The following BRAF variants were observed in gnomAD, a reference collection of about 807,000 sequenced individuals.
The protein encoded by BRAF is B-Raf proto-oncogene, serine/threonine kinase, also known as serine/threonine-protein kinase B-raf.
BRAF carries 16 observed loss-of-function variants against 104.6 expected under a neutral mutation model. The observed-to-expected ratio is 0.15, with a 90% CI of 0.10 to 0.23. The LOEUF is 0.23. Ranked by LOEUF, BRAF falls within the 10% of genes least tolerant of loss-of-function variation. The pLI is 1.00. For missense variants in BRAF, 541 were observed against 937.3 expected (o/e 0.58, Z 5.52); for synonymous variants, 310 against 341.6 (o/e 0.91, Z 1.02).
At chr7:140,873,430 A>G (rs908310133) in intron 1 of BRAF, among the ~76,000 whole-genome samples, 2 of 152,120 alleles carry the variant, frequency 1.3e-5, no homozygotes, top group East Asian at 3.9e-4. Context: ...TCGGCCTCCC[A>G]AAGTGCTGAA....
chr7:140,867,087 AAAT>A (rs1465735911), intron 1 of BRAF, among the ~76,000 whole-genome samples: 1 of 152,164 alleles, frequency 6.6e-6, no homozygotes, highest in African/African-American at 2.4e-5. Context: ...AGGTGATAAA[AAAT>A]ATTATGCAAT....
At chr7:140,741,219 T>TA (rs1171866942) in intron 17 of BRAF, 2 of 152,208 alleles carry the variant, frequency 1.3e-5, no homozygotes, top group African/African-American at 4.8e-5. Context: ...TATCATCTAA[T>TA]ACTCAAAAAA....
intron 1 of BRAF, among the ~76,000 whole-genome samples, chr7:140,909,820 A>T (rs1816764710): frequency 6.7e-6 from 1 of 148,290 alleles, no homozygotes; most frequent in South Asian, 2.1e-4. Context: ...AACAACAACA[A>T]CAACAACAAC....
intron 1 of BRAF, among the ~76,000 whole-genome samples, chr7:140,887,103 T>G (rs1813655696): frequency 6.6e-6 from 1 of 152,164 alleles, no homozygotes; most frequent in South Asian, 2.1e-4. Context: ...AACTGACCAT[T>G]CCAAAACAGA....
chr7:140,872,869 T>C (rs1811769701), intron 1 of BRAF, among the ~76,000 whole-genome samples: 1 of 151,790 alleles, frequency 6.6e-6, no homozygotes, highest in Non-Finnish European at 1.5e-5. Flanking sequence ...ATTAAACAAA[T>C]CCTGCTAAGT....
At chr7:140,793,144 G>A (rs1210753411) in intron 8 of BRAF, among the ~76,000 whole-genome samples, 1 of 152,158 alleles carries the variant, frequency 6.6e-6, no homozygotes, top group Non-Finnish European at 1.5e-5. Flanking sequence ...ATACAAAGAT[G>A]ACACTCTAAA....
chr7:140,739,928 G>T lies in BRAF; in HGVS notation c.2131C>A (p.Arg711=), dbSNP rs2130900815. The change falls in exon 18 of 20, where the codon CGA becomes AGA. Residue 711 remains arginine, a synonymous_variant. Coordinates refer to ENST00000644969, the MANE Select transcript of BRAF (RefSeq NM_001374258.1). ...CTGAGATCTGGAGACAGGTATCCTC[G>T]TCCCACCATAAAAATTATCTGGAGA... ...NRDQIIFMVG[R]GYLSPDLSKV... 1.2e-6 allele frequency: 2 copies of T among 1,613,374 alleles called. No individual in the cohort carries two copies. Among genetic ancestry groups the T allele is most frequent in the Non-Finnish European group, 8.5e-7 (1 of 1,179,818 alleles).
At chr7:140,757,959 T>C (rs1222283343) in intron 14 of BRAF, 1 of 152,370 alleles carries the variant, frequency 6.6e-6, no homozygotes, top group East Asian at 1.9e-4. Context: ...GAGATTATCA[T>C]TAAAATGCCT....
chr7:140,804,807 T>C (rs1458459086), intron 5 of BRAF, among the ~76,000 whole-genome samples: 1 of 148,874 alleles, frequency 6.7e-6, no homozygotes, highest in African/African-American at 2.6e-5. Flanking sequence ...TACTTTTCTT[T>C]TTCTTTTCTT....
chr7:140,783,236 T>C (rs1801049866), intron 10 of BRAF, 79 bp from the exon 10 acceptor site: 1 of 1,534,736 alleles, frequency 6.5e-7, no homozygotes, highest in Non-Finnish European at 8.9e-7. Context: ...GGTTGGGGGA[T>C]ATTTAGACTT....
At chr7:140,889,021 T>C (rs1222946455) in intron 1 of BRAF, among the ~76,000 whole-genome samples, 1 of 152,112 alleles carries the variant, frequency 6.6e-6, no homozygotes, top group Non-Finnish European at 1.5e-5. Context: ...CCACCCAAAA[T>C]GCCACTTTTA....
At chr7:140,887,549 G>A (rs1296914184) in intron 1 of BRAF, among the ~76,000 whole-genome samples, 2 of 152,086 alleles carry the variant, frequency 1.3e-5, no homozygotes, top group African/African-American at 4.8e-5. Context: ...TGGCTGCAGT[G>A]ACACAAATTG....
chr7:140,744,500 A>G (rs1053833865), intron 17 of BRAF, among the ~76,000 whole-genome samples: 1 of 152,260 alleles, frequency 6.6e-6, no homozygotes, highest in Non-Finnish European at 1.5e-5. Context: ...AGTCTTGAGC[A>G]GCTTTCAGTG....
intron 1 of BRAF, among the ~76,000 whole-genome samples, chr7:140,854,831 G>A (rs1809595159): frequency 6.6e-6 from 1 of 152,112 alleles, no homozygotes; most frequent in South Asian, 2.1e-4. Flanking sequence ...TGTAATCCCA[G>A]CTACCCAGGA....
intron 7 of BRAF, among the ~76,000 whole-genome samples, chr7:140,795,081 G>A (rs536640588): frequency 6.6e-6 from 1 of 152,256 alleles, no homozygotes; most frequent in South Asian, 2.1e-4. Flanking sequence ...AGACACAAGA[G>A]AATCATATAT....
intron 15 of BRAF, chr7:140,753,645 T>G: frequency 5.3e-6 from 2 of 380,394 alleles, no homozygotes; most frequent in Non-Finnish European, 9.8e-6. Flanking sequence ...GATGCTTTCC[T>G]AAGTTTATAG....
At chr7:140,911,667 G>A (rs1182198703) in intron 1 of BRAF, among the ~76,000 whole-genome samples, 4 of 152,132 alleles carry the variant, frequency 2.6e-5, no homozygotes, top group Non-Finnish European at 5.9e-5. Flanking sequence ...AGTCAAATTT[G>A]GAGAGTGTTT....
rs397507455 is a variant in BRAF, at chr7:140,924,663, G to C, written c.41C>G (p.Pro14Arg). 1.7e-5 allele frequency: 23 copies of C among 1,354,156 alleles called. No individual in the cohort carries two copies. The highest frequency in any genetic ancestry group is 2.3e-5 in the Non-Finnish European group (23 of 994,514). The allele number at this position is 1,354,156 out of a possible 1,614,324, so 83.9% of individuals were successfully genotyped here. A position where few individuals can be genotyped will look rare whatever the true frequency, so the allele number is the denominator to read the frequency against. ...GTCCCCGTTGAACAGAGCCTGGCCC[G>C]GCTCCGCGCCGCCACCACCGCCACC... ...LSGGGGGGAE[P>R]GQALFNGDME... The change falls in exon 1 of 20, where the codon CCG (proline) becomes CGG (arginine). Residue 14 changes from proline to arginine, a missense_variant. Coordinates refer to ENST00000644969, the MANE Select transcript of BRAF (RefSeq NM_001374258.1). The surrounding 1 kb of genome is among the most constrained non-coding windows in gnomAD (Gnocchi z 4.2).
chr7:140,866,004 C>A (rs1420423459), intron 1 of BRAF, among the ~76,000 whole-genome samples: 1 of 152,124 alleles, frequency 6.6e-6, no homozygotes, highest in Non-Finnish European at 1.5e-5. Flanking sequence ...GTCAAACTGT[C>A]CACAAAGTCA....
Sources: allele counts gnomAD v4.1 joint callset (sites outside exome capture counted in the v4.1 genomes callset), GRCh38; gene constraint gnomAD v4.1.1; non-coding constraint Gnocchi (gnomAD v3.1); transcripts MANE v1.5; gene names NCBI Gene and HGNC (gene_info 2026-07-23, HGNC 2026-07-21).